Variants in C9orf78 observed in about 807,000 individuals in gnomAD.
C9orf78 encodes splicing factor C9orf78.
In C9orf78, 19 loss-of-function variants were observed where a neutral mutation model predicts 37.4. The observed-to-expected ratio is 0.51, with a 90% CI of 0.35 to 0.74. The LOEUF is 0.74. C9orf78 is among the 30% of genes least tolerant of loss of function. C9orf78 has a pLI of 0.01. For missense variants in C9orf78, 291 were observed against 370.8 expected, an observed-to-expected ratio of 0.78 and a Z score of 1.77; for synonymous variants, 130 against 128.0, an observed-to-expected ratio of 1.02 and a Z score of -0.10.
intron 3 of C9orf78, 44 bp from the exon 4 acceptor site, chr9:129,833,561 G>T: frequency 6.7e-7 from 1 of 1,503,102 alleles, no homozygotes; most frequent in Non-Finnish European, 9.3e-7. Flanking sequence ...CTAAATACAT[G>T]GTAGTGGAAT....
Position 129,831,883 on chromosome 9 carries a change from G to C in C9orf78, c.344+13C>G. 1 of 1,433,026 alleles carries C rather than the reference G, an allele frequency of 7.0e-7. No individual in the cohort carries two copies. The highest frequency in any genetic ancestry group is 1.1e-5 in the South Asian group (1 of 87,608). The allele number at this position is 1,433,026 out of a possible 1,614,324, so 88.8% of individuals were successfully genotyped here. On this transcript the variant is annotated intron_variant, in intron 5 of 8. Transcript: ENST00000372447. ...AGCCCCAACTGCTCACAGCCAAACA[G>C]ACTGACACTTACATGTCTGCATCCT... is the stretch of plus-strand genomic sequence containing the variant.
chr9:129,834,065 A>G (rs1412197829), intron 2 of C9orf78: 2 of 254,198 alleles, frequency 7.9e-6, no homozygotes, highest in Non-Finnish European at 7.7e-6. Flanking sequence ...TGATAGTAAA[A>G]ATTTACAAAA....
At chr9:129,834,017 A>G in intron 2 of C9orf78, 1 of 361,410 alleles carries the variant, frequency 2.8e-6, no homozygotes, top group Non-Finnish European at 5.1e-6. Flanking sequence ...AAGTGCAGCT[A>G]AAGATAAATT....
chr9:129,829,667 T>G, intron 6 of C9orf78, 126 bp from the exon 7 acceptor site: 1 of 762,152 alleles, frequency 1.3e-6, no homozygotes, highest in African/African-American at 1.7e-5. Flanking sequence ...AGCTCTCCAC[T>G]TTATCAAGCA....
At chr9:129,833,825 A>C in intron 2 of C9orf78, 116 bp from the exon 3 acceptor site, 13 of 507,894 alleles carry the variant, frequency 2.6e-5, no homozygotes, top group East Asian at 1.3e-4. Flanking sequence ...GTGGGATTTG[A>C]GGGGTGGGTA....
Position 129,830,853 on chromosome 9 carries a change from T to A in C9orf78, c.542+18A>T, listed in dbSNP as rs747131019. On this transcript the variant is annotated intron_variant, in intron 6 of 8. Transcript: ENST00000372447. ...ACTGGAAAGCACTGTGTCTTCTGCC[T>A]AGGGGTCTCAAACATACTCGATGCC... 1 of 1,572,318 alleles carries A rather than the reference T, an allele frequency of 6.4e-7. No individual in the cohort carries two copies.
intron 2 of C9orf78, chr9:129,834,437 G>T: frequency 2.3e-6 from 1 of 443,248 alleles, no homozygotes. Flanking sequence ...CTTAACGATC[G>T]ATATGCATTT....
intron 6 of C9orf78, chr9:129,829,875 C>T (rs549053243): frequency 5.0e-6 from 1 of 201,524 alleles, no homozygotes; most frequent in South Asian, 1.3e-4. Flanking sequence ...GTACCTCTTC[C>T]ATAACAATTC....
At position 129,830,901 on chromosome 9, in the gene C9orf78, C is replaced by T; in HGVS notation, c.512G>A (p.Ser171Asn). Reference sequence around the variant, plus strand: ...GCCCAGGTCCACCTCAGGAATGCCACTCAGCATCTGGTTGGAAAGCATCTC... The same window carrying T: ...GCCCAGGTCCACCTCAGGAATGCCATTCAGCATCTGGTTGGAAAGCATCTC... ...TEEMLSNQMLSGIPEVDLGID... is the reference protein window; with the variant it reads ...TEEMLSNQMLNGIPEVDLGID... Residue 171 changes from serine to asparagine, a missense_variant, in exon 6 of 9, where the codon AGT (serine) becomes AAT (asparagine). This residue lies in a region of C9orf78 where 13 missense variants were observed against 47.3 expected (regional missense o/e 0.27). Transcript: ENST00000372447. 2.5e-6 allele frequency: 4 copies of T among 1,613,700 alleles called. No homozygotes were observed. Among genetic ancestry groups the T allele is most frequent in the African/African-American group, 1.3e-5 (1 of 75,052 alleles).
rs748868375 is a variant in C9orf78 at position 129,835,272 on chromosome 9, G to C, written c.-51C>G. On this transcript the variant is annotated 5_prime_UTR_variant, in exon 1 of 9. Coordinates refer to ENST00000372447, the MANE Select transcript of C9orf78 (RefSeq NM_016520.3). ...CGCCGCGCCTCTGCGCAGCGGCCCA[G>C]GCTGCTTCCGGCGCGCGGCAGAGCG... The C allele has an allele frequency of 7.5e-6, 10 of 1,336,072 alleles. No homozygotes were observed. The highest frequency in any genetic ancestry group is 1.0e-5 in the Non-Finnish European group (10 of 956,832). The allele number at this position is 1,336,072 out of a possible 1,614,324, so 82.8% of individuals were successfully genotyped here.
chr9:129,834,626 G>C (rs1313451487), intron 2 of C9orf78, 81 bp downstream of exon 2: 1 of 935,202 alleles, frequency 1.1e-6, no homozygotes. Context: ...CTACGTCTGA[G>C]GAGATATTTG....
intron 4 of C9orf78, among the ~76,000 whole-genome samples, chr9:129,832,413 T>C (rs1411412258): frequency 6.6e-6 from 1 of 152,250 alleles, no homozygotes; most frequent in Non-Finnish European, 1.5e-5. Context: ...ACTTTTATTT[T>C]TTTAATTTTT....
rs1220777876 is a variant in C9orf78, at chr9:129,830,633, C to T, written c.542+238G>A. ...GGTTCAAGCAATTTCCTGCCTCAGC[C>T]TCCCAAGTAGCTGGACTACAGGTGC... On this transcript the variant is annotated intron_variant, in intron 6 of 8. Coordinates refer to ENST00000372447, the MANE Select transcript of C9orf78 (RefSeq NM_016520.3). The T allele has an allele frequency of 1.1e-5, 5 of 473,996 alleles. No individual in the cohort carries two copies. The Admixed American group carries it at 1.3e-4, about 13-fold the overall frequency. 29.4% of individuals were successfully genotyped at this position (473,996 alleles called of 1,614,324 possible).
rs1278086824 is a variant in C9orf78 at position 129,829,196 on chromosome 9, T to C, written c.778+9A>G. On this transcript the variant is annotated intron_variant, in intron 8 of 8. Coordinates refer to ENST00000372447, the MANE Select transcript of C9orf78 (RefSeq NM_016520.3). ...CTCCAGGCAGCCCCGAGGCCTTTGTTGCACTCACGCTCAGGCTCTGGCTTC... is the reference window on the plus strand; with the variant it reads ...CTCCAGGCAGCCCCGAGGCCTTTGTCGCACTCACGCTCAGGCTCTGGCTTC... 6.2e-7 allele frequency: 1 copy of C among 1,603,728 alleles called. No individual in the cohort carries two copies. Among genetic ancestry groups the C allele is most frequent in the Non-Finnish European group, 8.5e-7 (1 of 1,170,684 alleles).
chr9:129,828,919 G>A (rs763865420), intron 8 of C9orf78: 5 of 491,790 alleles, frequency 1.0e-5, no homozygotes, highest in Non-Finnish European at 1.1e-5. Context: ...GCTTTTATTT[G>A]TCCTTACTGA....
In C9orf78 at chr9:129,827,783, C is replaced by CT. The variant is rs56021512; in HGVS notation, c.*377dup. 0.07 allele frequency: 7,795 copies of CT among 111,448 alleles called. 272 individuals are homozygous for CT. The highest frequency in any genetic ancestry group is 0.098 in the Middle Eastern group (17 of 174). The allele number at this position is 111,448 out of a possible 1,614,324, so 6.9% of individuals were successfully genotyped here. A position where few individuals can be genotyped will look rare whatever the true frequency, so the allele number is the denominator to read the frequency against. On this transcript the variant is annotated 3_prime_UTR_variant, in exon 9 of 9. Transcript: ENST00000372447. Reference sequence around the variant, plus strand: ...TGTCCTGGAAGCCATTTTTCTTTTTCTTTTTTTTTTTTTTTTTTTTTTTTG... The same window carrying CT: ...TGTCCTGGAAGCCATTTTTCTTTTTCTTTTTTTTTTTTTTTTTTTTTTTTTG...
chr9:129,833,496 T>G lies in C9orf78; in HGVS notation c.217A>C (p.Thr73Pro). 6.2e-7 allele frequency: 1 copy of G among 1,605,040 alleles called. No individual in the cohort carries two copies. The highest frequency in any genetic ancestry group is 8.5e-7 in the Non-Finnish European group (1 of 1,171,708). ...TTCTTCATATCCACCATACCACCTG[T>G]CTTCATCTGAAAGGGATCATCCTGC... The part of the protein sequence containing the change: ...TLVDDPFQMK[T>P]GGMVDMKKLK... Residue 73 changes from threonine (T) to proline (P), a missense_variant, in exon 4 of 9, where the codon ACA becomes CCA. Coordinates refer to ENST00000372447, the MANE Select transcript of C9orf78 (RefSeq NM_016520.3).
chr9:129,828,356 A>G, intron 8 of C9orf78, 104 bp from the exon 9 acceptor site: 1 of 716,834 alleles, frequency 1.4e-6, no homozygotes, highest in Non-Finnish European at 2.6e-6. Flanking sequence ...TCCCCACAGG[A>G]GCCCCAGCGC....
chr9:129,829,124 T>C (rs2031420472), intron 8 of C9orf78, 81 bp downstream of exon 8: 1 of 961,588 alleles, frequency 1.0e-6, no homozygotes, highest in Non-Finnish European at 1.7e-6. Flanking sequence ...GGCTCCACCC[T>C]GTCCCCCGCT....
Sources: allele counts gnomAD v4.1 joint callset (sites outside exome capture counted in the v4.1 genomes callset), GRCh38; gene constraint gnomAD v4.1.1; regional missense constraint gnomAD v4.1.1; transcripts MANE v1.5; gene names NCBI Gene and HGNC (gene_info 2026-07-23, HGNC 2026-07-21).